GABBR2: variants seen among roughly 807,000 people sequenced by gnomAD.
The protein encoded by GABBR2 is G-protein coupled receptor 51.
In GABBR2, 23 loss-of-function variants were observed where a neutral mutation model predicts 105.6. That is an observed-to-expected ratio of 0.22 (90% CI 0.16 to 0.31). The LOEUF is 0.31. GABBR2 is among the 10% of genes least tolerant of loss of function. The pLI, the probability that GABBR2 is intolerant of heterozygous loss-of-function variation, is 1.00. For missense variants in GABBR2, 734 were observed against 1,245.5 expected (o/e 0.59, Z 6.18); for synonymous variants, 478 against 499.7 (o/e 0.96, Z 0.58).
intron 1 of GABBR2, among the ~76,000 whole-genome samples, chr9:98,581,816 A>C (rs1173557421): frequency 1.3e-5 from 2 of 152,240 alleles, no homozygotes; most frequent in Non-Finnish European, 2.9e-5. Context: ...TCAAAGTTGC[A>C]TTAAATAATA....
chr9:98,530,497 A>G (rs2779589), intron 3 of GABBR2, among the ~76,000 whole-genome samples: 146,625 of 152,338 alleles, frequency 0.96, 70,617 homozygotes, highest in African/African-American at 0.99. Context: ...GGGAGACAGC[A>G]CCAGGTGCTG....
chr9:98,307,843 T>C lies in GABBR2; in HGVS notation c.2005-1498A>G, dbSNP rs553594842. 1.2e-4 allele frequency among the ~76,000 whole-genome samples: 18 copies of C among 152,366 alleles called. No individual in the cohort carries two copies. In the Middle Eastern group the frequency reaches 0.01, roughly 86 times the overall value. Reference sequence around the variant, plus strand: ...GCTATTTGTAATTGATCTTATTTTATACAAGCATGATTGTTTTCCTCTCCC... The same window carrying C: ...GCTATTTGTAATTGATCTTATTTTACACAAGCATGATTGTTTTCCTCTCCC... On this transcript the variant is annotated intron_variant, in intron 14 of 18. Transcript: ENST00000259455.
At chr9:98,423,748 T>G (rs1296774987) in intron 7 of GABBR2, among the ~76,000 whole-genome samples, 1 of 152,226 alleles carries the variant, frequency 6.6e-6, no homozygotes, top group Non-Finnish European at 1.5e-5. Context: ...GGTGTAACGT[T>G]TAAGTCTTTA....
At chr9:98,418,484 AT>A (rs1832726447) in intron 7 of GABBR2, among the ~76,000 whole-genome samples, 2 of 152,096 alleles carry the variant, frequency 1.3e-5, no homozygotes, top group South Asian at 4.2e-4. Context: ...GCAGTGAGCT[AT>A]GATTGTGCCA....
chr9:98,680,593 G>C (rs1164391004), intron 1 of GABBR2, among the ~76,000 whole-genome samples: 1 of 152,152 alleles, frequency 6.6e-6, no homozygotes, highest in Non-Finnish European at 1.5e-5. Flanking sequence ...ACAGGCATGA[G>C]CCACCATGCC....
At position 98,299,569 on chromosome 9, in the gene GABBR2, G is replaced by A. The variant is rs531581523; in HGVS notation, c.2413-216C>T. 3.9e-5 allele frequency among the ~76,000 whole-genome samples: 6 copies of A among 152,322 alleles called. No homozygotes were observed. In the South Asian group the frequency reaches 1.2e-3, roughly 32 times the overall value. On this transcript the variant is annotated intron_variant, in intron 16 of 18. Transcript: ENST00000259455. ...CTATGATAAGAGGGACCTGGGCTTTGCAATTATGTGTTCAGTGTAGGCTTG... is the reference window on the plus strand; with the variant it reads ...CTATGATAAGAGGGACCTGGGCTTTACAATTATGTGTTCAGTGTAGGCTTG...
intron 12 of GABBR2, among the ~76,000 whole-genome samples, chr9:98,366,882 C>T (rs1004497228): frequency 2.0e-5 from 3 of 152,180 alleles, no homozygotes; most frequent in Admixed American, 6.5e-5. Context: ...CCTCAAAAAG[C>T]ATCTGCCCCC....
At chr9:98,290,832 A>AGC in intron 18 of GABBR2, 83 bp from the exon 19 acceptor site, 1 of 919,586 alleles carries the variant, frequency 1.1e-6, no homozygotes, top group Non-Finnish European at 1.5e-6. Context: ...TTTGGCTAAA[A>AGC]AAGCTGATGA....
At chr9:98,305,728 T>G (rs1170663236) in intron 15 of GABBR2, among the ~76,000 whole-genome samples, 1 of 151,830 alleles carries the variant, frequency 6.6e-6, no homozygotes, top group African/African-American at 2.4e-5. Context: ...GGCAGGAGAA[T>G]TGCTCGATTC....
chr9:98,300,056 GTCTC>G (rs1050360122), intron 16 of GABBR2, among the ~76,000 whole-genome samples: 9 of 151,468 alleles, frequency 5.9e-5, no homozygotes, highest in Admixed American at 2.0e-4. Flanking sequence ...TAGAGATGGG[GTCTC>G]TCTATGTTCC....
intron 5 of GABBR2, among the ~76,000 whole-genome samples, chr9:98,475,161 A>G (rs1826763950): frequency 6.6e-6 from 1 of 152,160 alleles, no homozygotes; most frequent in African/African-American, 2.4e-5. Context: ...TGTACTTCTC[A>G]TAATGCAACC....
intron 2 of GABBR2, among the ~76,000 whole-genome samples, chr9:98,552,684 A>C (rs1194822335): frequency 6.6e-6 from 1 of 152,110 alleles, no homozygotes; most frequent in African/African-American, 2.4e-5. Flanking sequence ...TGGAAGCCCC[A>C]CTCCAACAAA....
intron 6 of GABBR2, among the ~76,000 whole-genome samples, chr9:98,471,388 T>C (rs1399648549): frequency 6.6e-6 from 1 of 152,178 alleles, no homozygotes; most frequent in African/African-American, 2.4e-5. Flanking sequence ...GTCAGCCTCT[T>C]CACCAATCCC....
intron 1 of GABBR2, among the ~76,000 whole-genome samples, chr9:98,595,701 A>G (rs1249220895): frequency 6.6e-6 from 1 of 151,798 alleles, no homozygotes; most frequent in Non-Finnish European, 1.5e-5. Flanking sequence ...ATCAAAATGA[A>G]ACTAAATAAT....
chr9:98,456,523 C>T (rs1457977127), intron 6 of GABBR2, among the ~76,000 whole-genome samples: 3 of 152,178 alleles, frequency 2.0e-5, no homozygotes, highest in African/African-American at 4.8e-5. Context: ...AATTAAGCTC[C>T]ATGAGGTCGG....
At chr9:98,463,089 A>G (rs902077263) in intron 6 of GABBR2, among the ~76,000 whole-genome samples, 6 of 152,212 alleles carry the variant, frequency 3.9e-5, no homozygotes, top group Admixed American at 1.3e-4. Context: ...GGGTTTCACT[A>G]TGTTGGCCAG....
intron 2 of GABBR2, among the ~76,000 whole-genome samples, chr9:98,565,967 C>T (rs1394682868): frequency 6.6e-6 from 1 of 152,198 alleles, no homozygotes; most frequent in Non-Finnish European, 1.5e-5. Flanking sequence ...TGTGTCTGTC[C>T]GCAGAGCACC....
intron 13 of GABBR2, among the ~76,000 whole-genome samples, chr9:98,315,016 G>T (rs977282619): frequency 3.9e-5 from 6 of 152,184 alleles, no homozygotes; most frequent in Non-Finnish European, 7.4e-5. Flanking sequence ...CCATCAGGTA[G>T]TTTTCACAGA....
intron 1 of GABBR2, among the ~76,000 whole-genome samples, chr9:98,666,254 T>C (rs1953058): frequency 0.93 from 141,668 of 152,264 alleles, 66,041 homozygotes; most frequent in African/African-American, 0.97. Context: ...CCCAAAGGAA[T>C]AATCTAAATG....
Sources: gnomAD v4.1 joint callset for allele counts (sites outside exome capture counted in the v4.1 genomes callset) on GRCh38, gnomAD v4.1.1 for gene constraint, MANE v1.5 for transcripts, NCBI Gene and HGNC (gene_info 2026-07-23, HGNC 2026-07-21) for gene names.